Variants in RPH3A observed in about 807,000 individuals in gnomAD.
RPH3A encodes rabphilin 3A, also known as rabphilin-3A.
Under a neutral mutation model 102.2 loss-of-function variants are expected in RPH3A, and 48 were observed. That is an observed-to-expected ratio of 0.47 (90% confidence interval 0.37 to 0.60). RPH3A has a LOEUF of 0.60. RPH3A is among the 20% of genes least tolerant of loss of function. The pLI is 0.00. For missense variants in RPH3A, 781 were observed against 910.1 expected, an observed-to-expected ratio of 0.86 and a Z score of 1.83; for synonymous variants, 310 against 324.3, an observed-to-expected ratio of 0.96 and a Z score of 0.47.
At chr12:112,834,616 G>C (rs1368770819) in intron 3 of RPH3A, among the ~76,000 whole-genome samples, 3 of 152,158 alleles carry the variant, frequency 2.0e-5, no homozygotes, top group Admixed American at 6.5e-5. Context: ...GGTATGATCA[G>C]TCTTCTTAAT....
intron 14 of RPH3A, among the ~76,000 whole-genome samples, chr12:112,880,652 G>A (rs1247947592): frequency 6.6e-6 from 1 of 152,094 alleles, no homozygotes; most frequent in African/African-American, 2.4e-5. Context: ...TGAACAATGT[G>A]GGAGTTAAGT....
chr12:112,668,045 T>C (rs1337800870), intron 1 of RPH3A, among the ~76,000 whole-genome samples: 1 of 152,180 alleles, frequency 6.6e-6, no homozygotes, highest in African/African-American at 2.4e-5. Context: ...CTAGACAAGA[T>C]CACCCCCATG....
chr12:112,881,663 A>G lies in RPH3A; in HGVS notation c.1252-109A>G, dbSNP rs549205730. 468 of 663,540 alleles carry G rather than the reference A, an allele frequency of 7.1e-4. 3 individuals are homozygous for G. Among genetic ancestry groups the G allele is most frequent in the South Asian group, 1.8e-3 (81 of 44,324 alleles). 41.1% of individuals were successfully genotyped at this position (663,540 alleles called of 1,614,324 possible). A position where few individuals can be genotyped will look rare whatever the true frequency, so the allele number is the denominator to read the frequency against. Reference sequence around the variant, plus strand: ...TCTCTCTTTGGAGGAGGAAGCACACAGCGTGGACCAACAGGCAGGACAGAT... The same window carrying G: ...TCTCTCTTTGGAGGAGGAAGCACACGGCGTGGACCAACAGGCAGGACAGAT... On this transcript the variant is annotated intron_variant, in intron 14 of 21. Coordinates refer to ENST00000389385, the MANE Select transcript of RPH3A (RefSeq NM_001143854.2).
chr12:112,649,544 T>C lies in RPH3A; in HGVS notation c.-140+74225T>C, dbSNP rs1410380506. ...GGACTTGTGTATTCTTATCATTTGT[T>C]ATATATCAGGCCCAGTCCTAAGCAA... On this transcript the variant is annotated intron_variant, in intron 1 of 21. Transcript: ENST00000543106. 2.6e-5 allele frequency: 4 copies of C among 152,212 alleles called. No individual in the cohort carries two copies. In the East Asian group the frequency reaches 7.7e-4, roughly 29 times the overall value. The allele number at this position is 152,212 out of a possible 1,614,324, so 9.4% of individuals were successfully genotyped here. A position where few individuals can be genotyped will look rare whatever the true frequency, so the allele number is the denominator to read the frequency against.
chr12:112,690,865 ACTCT>A (rs1181869103), intron 1 of RPH3A, among the ~76,000 whole-genome samples: 2 of 151,186 alleles, frequency 1.3e-5, no homozygotes, highest in Non-Finnish European at 2.9e-5. Context: ...ATGCCTCATG[ACTCT>A]CTTCATTCCA....
chr12:112,885,674 G>A (rs935692235), intron 16 of RPH3A, among the ~76,000 whole-genome samples: 8 of 152,142 alleles, frequency 5.3e-5, no homozygotes, highest in Non-Finnish European at 1.2e-4. Context: ...TATACAGTGT[G>A]TAATAATCGC....
intron 1 of RPH3A, among the ~76,000 whole-genome samples, chr12:112,576,659 G>C (rs1206915730): frequency 7.9e-5 from 12 of 152,220 alleles, no homozygotes; most frequent in Non-Finnish European, 8.8e-5. Context: ...CCAGCCCTGA[G>C]TTCTTATTTT....
At chr12:112,589,642 A>G (rs1038804111) in intron 1 of RPH3A, among the ~76,000 whole-genome samples, 3 of 152,112 alleles carry the variant, frequency 2.0e-5, no homozygotes, top group African/African-American at 7.2e-5. Flanking sequence ...TTTCTTTTTA[A>G]TCACAACAAT....
chr12:112,580,087 C>T (rs187405788), intron 1 of RPH3A, among the ~76,000 whole-genome samples: 62 of 152,136 alleles, frequency 4.1e-4, no homozygotes, highest in Admixed American at 9.2e-4. Flanking sequence ...AAACAGATAC[C>T]GTGTCTATTT....
intron 1 of RPH3A, among the ~76,000 whole-genome samples, chr12:112,742,961 C>T (rs1156654358): frequency 6.6e-6 from 1 of 152,154 alleles, no homozygotes; most frequent in East Asian, 1.9e-4. Context: ...AGCGGCTGCA[C>T]ATATTCCTCA....
chr12:112,689,550 T>A (rs958230472), intron 1 of RPH3A, among the ~76,000 whole-genome samples: 4 of 152,236 alleles, frequency 2.6e-5, no homozygotes, highest in Non-Finnish European at 5.9e-5. Context: ...ATAGGGACAT[T>A]TGATATTGGA....
chr12:112,624,270 A>G (rs1482259869), intron 1 of RPH3A, among the ~76,000 whole-genome samples: 3 of 150,762 alleles, frequency 2.0e-5, no homozygotes, highest in Non-Finnish European at 3.0e-5. Flanking sequence ...TGAATCCAGG[A>G]GCTAGTTTTT....
intron 16 of RPH3A, among the ~76,000 whole-genome samples, chr12:112,886,728 A>C (rs1329360269): frequency 1.3e-5 from 2 of 152,186 alleles, no homozygotes; most frequent in Non-Finnish European, 2.9e-5. Flanking sequence ...ATTCAGGGAG[A>C]CCTGGATTCA....
rs1379542726 is a variant in RPH3A at position 112,621,936 on chromosome 12, C to T, written c.-140+46617C>T. Reference sequence around the variant, plus strand: ...AGCAGCCTAACTGGGAGGCACCCCCCAGCAGGGGCACACTGACACCTCACA... The same window carrying T: ...AGCAGCCTAACTGGGAGGCACCCCCTAGCAGGGGCACACTGACACCTCACA... On this transcript the variant is annotated intron_variant, in intron 1 of 21. Coordinates refer to the RPH3A transcript ENST00000543106. 1.9e-3 allele frequency among the ~76,000 whole-genome samples: 292 copies of T among 150,796 alleles called. 1 individual carries two copies. The highest frequency in any genetic ancestry group is 5.9e-3 in the African/African-American group (244 of 41,056).
At chr12:112,643,930 A>T (rs1438446834) in intron 1 of RPH3A, among the ~76,000 whole-genome samples, 1 of 152,270 alleles carries the variant, frequency 6.6e-6, no homozygotes, top group Non-Finnish European at 1.5e-5. Context: ...GGATAAAGAA[A>T]ATGTAGTATA....
chr12:112,643,299 G>T (rs1191732452), intron 1 of RPH3A, among the ~76,000 whole-genome samples: 2 of 152,262 alleles, frequency 1.3e-5, no homozygotes, highest in African/African-American at 2.4e-5. Flanking sequence ...CATGTGTCTT[G>T]TTTCCTAATT....
At chr12:112,606,696 A>G (rs1002611160) in intron 1 of RPH3A, among the ~76,000 whole-genome samples, 1 of 152,136 alleles carries the variant, frequency 6.6e-6, no homozygotes, top group East Asian at 1.9e-4. Flanking sequence ...GGAAACTTAC[A>G]ATCATGGTGG....
In RPH3A at chr12:112,868,478, G is replaced by A; in HGVS notation, c.493G>A (p.Val165Ile). The A allele has an allele frequency of 6.2e-7, 1 of 1,614,118 alleles. No individual in the cohort carries two copies. Among genetic ancestry groups the A allele is most frequent in the East Asian group, 2.2e-5 (1 of 44,882 alleles). Residue 165 changes from valine to isoleucine, a missense_variant, in exon 8 of 22, where the codon GTC becomes ATC. Around this residue, in one of 2 missense-constraint regions of RPH3A, gnomAD observed 730 missense variants for 810.0 expected, o/e 0.90. Transcript: ENST00000389385. ...GTTCTTCAAAGGCTTCCCCAAACAG[G>A]TCCTCCCACAGCCTATGCCTATAAA... ...AWFFKGFPKQVLPQPMPIKKT... is the reference protein window; with the variant it reads ...AWFFKGFPKQILPQPMPIKKT...
chr12:112,591,858 G>A lies in RPH3A; in HGVS notation c.-140+16539G>A, dbSNP rs567478790. Among the ~76,000 whole-genome samples the A allele has an allele frequency of 4.7e-4, 71 of 152,156 alleles. No homozygotes were observed. The South Asian group carries it at 0.015, about 31-fold the overall frequency. ...TTCTGAAGTCTTAATTCAGAAGCTCGAGCCAGGTCATCCAGTTAAAAACTT... is the reference window on the plus strand; with the variant it reads ...TTCTGAAGTCTTAATTCAGAAGCTCAAGCCAGGTCATCCAGTTAAAAACTT... On this transcript the variant is annotated intron_variant, in intron 1 of 21. Transcript: ENST00000543106.
Sources: allele counts gnomAD v4.1 joint callset (sites outside exome capture counted in the v4.1 genomes callset), GRCh38; gene constraint gnomAD v4.1.1; regional missense constraint gnomAD v4.1.1; transcripts MANE v1.5; gene names NCBI Gene and HGNC (gene_info 2026-07-23, HGNC 2026-07-21).